Variants in LRP2 observed in about 807,000 individuals in gnomAD.
The protein encoded by LRP2 is low-density lipoprotein receptor-related protein 2.
In LRP2, 172 loss-of-function variants were observed where a neutral mutation model predicts 531.0. That is an observed-to-expected ratio of 0.32 (90% CI 0.29 to 0.37). The LOEUF (loss-of-function observed/expected upper bound fraction) is 0.37. LRP2 is among the 10% of genes least tolerant of loss of function. The probability of loss-of-function intolerance (pLI) is 1.00; values close to 1 mark genes in which losing one functional copy is unlikely to be tolerated. For synonymous variants in LRP2, 1,992 were observed against 2,027.6 expected (o/e 0.98, Z 0.47); for missense variants, 5,167 against 5,868.3 (o/e 0.88, Z 3.90).
At chr2:169,297,513 G>GT in intron 4 of LRP2, among the ~76,000 whole-genome samples, 1 of 152,210 alleles carries the variant, frequency 6.6e-6, no homozygotes. Context: ...GACCTTTAAG[G>GT]TTTTTTCTAA....
intron 9 of LRP2, among the ~76,000 whole-genome samples, chr2:169,285,153 TAAAA>T (rs58043794): frequency 0.062 from 8,309 of 134,646 alleles, 839 homozygotes; most frequent in African/African-American, 0.21. Context: ...TACTAAGAAT[TAAAA>T]AAAAAAAAAA....
intron 4 of LRP2, among the ~76,000 whole-genome samples, chr2:169,295,491 C>T (rs532770936): frequency 1.4e-3 from 206 of 152,312 alleles, no homozygotes; most frequent in South Asian, 3.1e-3. Flanking sequence ...GAATAACGTG[C>T]TATCTGTCCC....
At chr2:169,269,603 T>G (rs1262832039) in intron 16 of LRP2, among the ~76,000 whole-genome samples, 2 of 152,066 alleles carry the variant, frequency 1.3e-5, no homozygotes, top group Non-Finnish European at 2.9e-5. Context: ...AAAAATCAAT[T>G]CAAGATGGAT....
chr2:169,142,916 C>A, intron 70 of LRP2, 123 bp from the exon 71 acceptor site: 1 of 1,023,688 alleles, frequency 9.8e-7, no homozygotes, highest in East Asian at 2.5e-5. Flanking sequence ...ACCTCTCGTC[C>A]ACGTGTCAGC....
chr2:169,294,579 C>T (rs1042615654), intron 5 of LRP2, 21 bp downstream of exon 5: 2 of 1,536,740 alleles, frequency 1.3e-6, no homozygotes, highest in African/African-American at 2.7e-5. Flanking sequence ...CACAACTGCA[C>T]ATCTTGTGCA....
At position 169,259,053 on chromosome 2, in the gene LRP2, G is replaced by C; in HGVS notation, c.2485C>G (p.Arg829Gly). 1.2e-6 allele frequency: 2 copies of C among 1,613,226 alleles called. No individual in the cohort carries two copies. Among genetic ancestry groups the C allele is most frequent in the Non-Finnish European group, 1.7e-6 (2 of 1,179,550 alleles). The part of the protein sequence containing the change: ...RTVVQYLNNP[R>G]SVVVHPFAGY... ...GCAAAAGGATGAACTACCACCGACC[G>C]TGGGTTATTTAAATACTGAACTACT... Residue 829 changes from arginine (R) to glycine (G), a missense_variant, in exon 17 of 79, where the codon CGG becomes GGG. Coordinates refer to ENST00000649046, the MANE Select transcript of LRP2 (RefSeq NM_004525.3).
At chr2:169,360,790 G>C (rs1686128480) in intron 1 of LRP2, among the ~76,000 whole-genome samples, 1 of 152,136 alleles carries the variant, frequency 6.6e-6, no homozygotes, top group African/African-American at 2.4e-5. Context: ...CAAGACCTGT[G>C]GGGTTTGTTA....
intron 63 of LRP2, among the ~76,000 whole-genome samples, chr2:169,161,680 C>T (rs1337942711): frequency 1.3e-5 from 2 of 152,138 alleles, no homozygotes; most frequent in Admixed American, 1.3e-4. Context: ...CGCCATGCTG[C>T]CCAGGCTGTT....
At chr2:169,135,224 A>C (rs1457829518) in intron 76 of LRP2, among the ~76,000 whole-genome samples, 1 of 152,150 alleles carries the variant, frequency 6.6e-6, no homozygotes, top group Non-Finnish European at 1.5e-5. Flanking sequence ...TCCATCTGCT[A>C]TTCTACTACT....
chr2:169,262,819 G>A (rs1690622468), intron 16 of LRP2, among the ~76,000 whole-genome samples: 1 of 151,980 alleles, frequency 6.6e-6, no homozygotes, highest in African/African-American at 2.4e-5. Flanking sequence ...CAAAGCTGGA[G>A]GCATCACACT....
At chr2:169,214,565 A>G (rs1314191919) in intron 35 of LRP2, among the ~76,000 whole-genome samples, 1 of 152,204 alleles carries the variant, frequency 6.6e-6, no homozygotes, top group Non-Finnish European at 1.5e-5. Flanking sequence ...CTTTACTGCC[A>G]TGGCTGAAAA....
chr2:169,282,874 G>C lies in LRP2; in HGVS notation c.1170C>G (p.Ser390=). 1 of 1,613,820 alleles carries C rather than the reference G, an allele frequency of 6.2e-7. No individual in the cohort carries two copies. The change falls in exon 10 of 79, where the codon TCC becomes TCG. Residue 390 remains serine, a splice_region_variant and synonymous_variant. Transcript: ENST00000649046. ...ERGQYCKAND[S]FGEASIIFSN... ...CACAGGTGTCCATAATTTACTCACA[G>C]GAATCATTAGCTTTGCAATACTGTC...
intron 58 of LRP2, 140 bp downstream of exon 58, chr2:169,171,875 C>T: frequency 9.9e-7 from 1 of 1,011,674 alleles, no homozygotes; most frequent in Non-Finnish European, 1.5e-6. Context: ...AATGTACTGA[C>T]CAGCAGAAAG....
At chr2:169,334,834 G>T (rs574309603) in intron 1 of LRP2, among the ~76,000 whole-genome samples, 141 of 152,300 alleles carry the variant, frequency 9.3e-4, no homozygotes, top group Middle Eastern at 6.8e-3. Flanking sequence ...TTACGGTGAG[G>T]ATTAAAGAGG....
chr2:169,246,896 C>T lies in LRP2; in HGVS notation c.2999G>A (p.Cys1000Tyr). 6.2e-7 allele frequency: 1 copy of T among 1,614,208 alleles called. No homozygotes were observed. Among genetic ancestry groups the T allele is most frequent in the Non-Finnish European group, 8.5e-7 (1 of 1,180,044 alleles). The change falls in exon 21 of 79, where the codon TGC becomes TAC. Residue 1000 changes from cysteine (C) to tyrosine (Y), a missense_variant. Around this residue, in one of 6 missense-constraint regions of LRP2, gnomAD observed 2,811 missense variants for 3,058.0 expected, o/e 0.92. Transcript: ENST00000649046. ...GGAAGCCAGCCTCATTCCATAAGGG[C>T]ACCCACACACTCGCTGGAAATTTGG... is the stretch of plus-strand genomic sequence containing the variant. Reference protein sequence around the residue: ...PVPNFQRVCGCPYGMRLASNH... With the variant: ...PVPNFQRVCGYPYGMRLASNH...
chr2:169,223,242 G>A lies in LRP2; in HGVS notation c.5538+2068C>T, dbSNP rs1056958242. 2.0e-4 allele frequency among the ~76,000 whole-genome samples: 31 copies of A among 152,240 alleles called. No homozygotes were observed. The East Asian group carries it at 2.5e-3, about 12-fold the overall frequency. ...ATAATTAGAAACTTTTGGTTCATGTGGTTAAAGTGGCCTTACCAATCCATA... is the reference window on the plus strand; with the variant it reads ...ATAATTAGAAACTTTTGGTTCATGTAGTTAAAGTGGCCTTACCAATCCATA... On this transcript the variant is annotated intron_variant, in intron 33 of 78. Transcript: ENST00000649046.
rs1230664465 is a variant in LRP2, at chr2:169,280,382, T to G, written c.1309A>C (p.Arg437=). Residue 437 remains arginine (R), a synonymous_variant, in exon 11 of 79, where the codon AGA becomes CGA. Coordinates refer to ENST00000649046, the MANE Select transcript of LRP2 (RefSeq NM_004525.3). ...TGCACGGTGTCTGTCCAAAAAACTC[T>G]TTGCAGGTGATAGTGGAAAGCCACA... ...VGVAFHYHLQ[R]VFWTDTVQNK... 4 of 1,614,036 alleles carry G rather than the reference T, an allele frequency of 2.5e-6. No homozygotes were observed. The African/African-American group carries it at 4.0e-5, about 16-fold the overall frequency.
intron 41 of LRP2, among the ~76,000 whole-genome samples, chr2:169,204,623 C>T (rs77265903): frequency 0.018 from 2,748 of 152,224 alleles, 77 homozygotes; most frequent in African/African-American, 0.063. Context: ...ATCCCACTTC[C>T]TTAGTGACTT....
chr2:169,270,684 A>C (rs146697535), intron 16 of LRP2, among the ~76,000 whole-genome samples: 210 of 151,908 alleles, frequency 1.4e-3, no homozygotes, highest in Non-Finnish European at 2.8e-3. Flanking sequence ...CAGCACACCA[A>C]CATGGCACAT....
Sources: allele counts gnomAD v4.1 joint callset (sites outside exome capture counted in the v4.1 genomes callset), GRCh38; gene constraint gnomAD v4.1.1; regional missense constraint gnomAD v4.1.1; transcripts MANE v1.5; gene names NCBI Gene and HGNC (gene_info 2026-07-23, HGNC 2026-07-21).